Variants in MMP17 observed in about 807,000 individuals in gnomAD.
The protein encoded by MMP17 is matrix metallopeptidase 17.
A neutral mutation model predicts 49.1 loss-of-function variants in MMP17; 54 were observed. That is an observed-to-expected ratio of 1.10 (90% CI 0.88 to 1.38). The LOEUF is 1.38. MMP17 is among the 40% of genes most tolerant of loss of function. The pLI is 0.00. For synonymous variants in MMP17, 397 were observed against 383.1 expected (o/e 1.04, Z -0.42); for missense variants, 837 against 853.7 (o/e 0.98, Z 0.24).
At chr12:131,844,387 G>A in intron 6 of MMP17, 1 of 430,916 alleles carries the variant, frequency 2.3e-6, no homozygotes, top group Non-Finnish European at 4.1e-6. Context: ...TGGATTCCCA[G>A]CATCAGGAAG....
At chr12:131,843,070 G>T (rs893708124) in intron 5 of MMP17, among the ~76,000 whole-genome samples, 2 of 151,670 alleles carry the variant, frequency 1.3e-5, no homozygotes, top group Admixed American at 6.6e-5. Flanking sequence ...ATCTCGGCTC[G>T]CTGCGACCTC....
chr12:131,832,439 G>A (rs1275925961), intron 1 of MMP17, among the ~76,000 whole-genome samples: 2 of 151,792 alleles, frequency 1.3e-5, no homozygotes, highest in Non-Finnish European at 2.9e-5. Flanking sequence ...GGTGTTCCCT[G>A]ACACAGTGTC....
intron 1 of MMP17, among the ~76,000 whole-genome samples, chr12:131,830,380 G>A (rs1462959778): frequency 2.0e-5 from 3 of 152,224 alleles, no homozygotes; most frequent in African/African-American, 4.8e-5. Flanking sequence ...GTGGGGCCCC[G>A]GTGTCCAGCC....
chr12:131,828,898 G>A (rs2136301853), intron 1 of MMP17, among the ~76,000 whole-genome samples: 4 of 152,174 alleles, frequency 2.6e-5, no homozygotes, highest in African/African-American at 9.6e-5. Flanking sequence ...CTGGGAGCGC[G>A]CCGCAGCCGC....
At chr12:131,833,126 C>T (rs566502558) in intron 1 of MMP17, among the ~76,000 whole-genome samples, 1 of 152,362 alleles carries the variant, frequency 6.6e-6, no homozygotes, top group African/African-American at 2.4e-5. Context: ...GTAATAAGAA[C>T]ACCCACTTCA....
chr12:131,847,150 C>G (rs181048103), intron 8 of MMP17, among the ~76,000 whole-genome samples: 1 of 151,074 alleles, frequency 6.6e-6, no homozygotes, highest in Non-Finnish European at 1.5e-5. Flanking sequence ...CAGTGGCTCA[C>G]GCCTGCAATC....
At chr12:131,829,692 G>A (rs1028288126) in intron 1 of MMP17, among the ~76,000 whole-genome samples, 35 of 152,346 alleles carry the variant, frequency 2.3e-4, no homozygotes, top group African/African-American at 8.4e-4. Flanking sequence ...AAAACCTTGG[G>A]GTCCAAGCAA....
intron 3 of MMP17, among the ~76,000 whole-genome samples, chr12:131,839,694 T>TCC (rs1887285842): frequency 6.6e-6 from 1 of 152,192 alleles, no homozygotes; most frequent in African/African-American, 2.4e-5. Context: ...ACGCCTGTAA[T>TCC]CATGGCACTT....
At chr12:131,828,835 G>GC (rs1418100230) in intron 1 of MMP17, among the ~76,000 whole-genome samples, 182 bp downstream of exon 1, 2 of 152,044 alleles carry the variant, frequency 1.3e-5, no homozygotes, top group Admixed American at 1.3e-4. Flanking sequence ...GAGCGACCGG[G>GC]CGAGCGCACG....
intron 6 of MMP17, chr12:131,844,631 A>C (rs1407026775): frequency 8.5e-5 from 19 of 223,268 alleles, no homozygotes; most frequent in Non-Finnish European, 1.2e-4. Context: ...ATGTCACAGG[A>C]CCGTACGTGT....
At chr12:131,830,020 G>A (rs1459148864) in intron 1 of MMP17, among the ~76,000 whole-genome samples, 1 of 152,234 alleles carries the variant, frequency 6.6e-6, no homozygotes, top group African/African-American at 2.4e-5. Context: ...ATCACGCCCT[G>A]GGGGCCTGGG....
chr12:131,848,390 T>G (rs1887809291), intron 8 of MMP17, among the ~76,000 whole-genome samples: 1 of 152,158 alleles, frequency 6.6e-6, no homozygotes, highest in Admixed American at 6.5e-5. Flanking sequence ...CCGGTCTGGT[T>G]TTTTGGTCGT....
chr12:131,840,910 G>C (rs1032417041), intron 4 of MMP17, 54 bp downstream of exon 4: 2 of 1,504,780 alleles, frequency 1.3e-6, no homozygotes, highest in Admixed American at 4.3e-5. Context: ...GGCCTGTGAG[G>C]CTGAGGAGCA....
chr12:131,834,391 G>A (rs1460192182), intron 1 of MMP17, among the ~76,000 whole-genome samples: 7 of 152,178 alleles, frequency 4.6e-5, no homozygotes, highest in Non-Finnish European at 1.0e-4. Flanking sequence ...TGGAGACAGC[G>A]GTCTCCGTGG....
In MMP17 at chr12:131,828,422, G is replaced by C; in HGVS notation, c.-73G>C. 1.1e-6 allele frequency: 1 copy of C among 874,414 alleles called. No homozygotes were observed. The highest frequency in any genetic ancestry group is 1.4e-6 in the Non-Finnish European group (1 of 728,582). 54.2% of individuals were successfully genotyped at this position (874,414 alleles called of 1,614,324 possible). ...CGGCGGGGGCGCCGCGGAGAGCGGA[G>C]GGCGCCGGGCTGCGGAACGCGAAGC... On this transcript the variant is annotated 5_prime_UTR_variant, in exon 1 of 10. Transcript: ENST00000360564.
At position 131,841,815 on chromosome 12, in the gene MMP17, G is replaced by A. The variant is rs373214164; in HGVS notation, c.883+15G>A. On this transcript the variant is annotated intron_variant, in intron 5 of 9. Coordinates refer to ENST00000360564, the MANE Select transcript of MMP17 (RefSeq NM_016155.7). ...GCAGCTGTACGGTGAGTGTCTCCCCGAAGCCAGACACAGGGCCCCTGGAAG... is the reference window on the plus strand; with the variant it reads ...GCAGCTGTACGGTGAGTGTCTCCCCAAAGCCAGACACAGGGCCCCTGGAAG... The A allele has an allele frequency of 8.5e-4, 1,324 of 1,558,018 alleles. No homozygotes were observed. Among genetic ancestry groups the A allele is most frequent in the Non-Finnish European group, 1.1e-3 (1,246 of 1,154,190 alleles).
chr12:131,850,760 G>A (rs1312270106), intron 9 of MMP17, among the ~76,000 whole-genome samples, 165 bp from the exon 10 acceptor site: 1 of 150,384 alleles, frequency 6.6e-6, no homozygotes, highest in African/African-American at 2.5e-5. Context: ...CAGCCGTCTG[G>A]TCTGACCCCC....
chr12:131,850,948 C>T lies in MMP17; in HGVS notation c.1486C>T (p.Gln496Ter). ...AGGTGCCTCCTACTTCTTCCGTGGC[C>T]AGGAGTACTGGAAAGTGCTGGATGG... ...SDGASYFFRG[Q>*]EYWKVLDGEL... Residue 496 changes from glutamine (Q) to a stop codon, truncating the protein, a stop_gained, in exon 10 of 10, where the codon CAG becomes TAG. Transcript: ENST00000360564. LOFTEE classifies it low-confidence loss of function (END_TRUNC). The T allele has an allele frequency of 6.7e-7, 1 of 1,497,858 alleles. No homozygotes were observed. The highest frequency in any genetic ancestry group is 8.9e-7 in the Non-Finnish European group (1 of 1,123,224). The allele number at this position is 1,497,858 out of a possible 1,614,324, so 92.8% of individuals were successfully genotyped here.
At chr12:131,841,504 C>A in intron 4 of MMP17, 120 bp from the exon 5 acceptor site, 3 of 1,029,980 alleles carry the variant, frequency 2.9e-6, no homozygotes, top group Non-Finnish European at 4.4e-6. Context: ...ATCCCTCTGG[C>A]GCAGCCGGCA....
Sources: gnomAD v4.1 joint callset for allele counts (sites outside exome capture counted in the v4.1 genomes callset) on GRCh38, gnomAD v4.1.1 for gene constraint, MANE v1.5 for transcripts, NCBI Gene and HGNC (gene_info 2026-07-23, HGNC 2026-07-21) for gene names.